CFI: variants seen among roughly 807,000 people sequenced by gnomAD.
CFI encodes complement factor I.
A neutral mutation model predicts 78.8 loss-of-function variants in CFI; 66 were observed. That is an observed-to-expected ratio of 0.84 (90% confidence interval 0.69 to 1.03). The LOEUF (loss-of-function observed/expected upper bound fraction) is 1.03. Ranked by LOEUF, CFI falls within the 50% of genes least tolerant of loss-of-function variation. The pLI, the probability that CFI is intolerant of heterozygous loss-of-function variation, is 0.00. For missense variants in CFI, 706 were observed against 704.5 expected (o/e 1.00, Z -0.02); for synonymous variants, 250 against 232.6 (o/e 1.07, Z -0.68).
chr4:109,746,108 T>A, intron 11 of CFI, 114 bp downstream of exon 11: 1 of 1,267,304 alleles, frequency 7.9e-7, no homozygotes, highest in East Asian at 2.5e-5. Context: ...TGTTTACTTT[T>A]CTGGATATGA....
At chr4:109,772,056 G>A (rs190443680) in intron 1 of CFI, among the ~76,000 whole-genome samples, 9 of 152,302 alleles carry the variant, frequency 5.9e-5, no homozygotes, top group Non-Finnish European at 1.2e-4. Context: ...GCAACTTTAT[G>A]ATAACATTAC....
intron 7 of CFI, 50 bp from the exon 8 acceptor site, chr4:109,752,553 A>G (rs755720479): frequency 1.4e-6 from 2 of 1,456,612 alleles, no homozygotes; most frequent in Admixed American, 3.4e-5. Flanking sequence ...ATTATAGTCA[A>G]AATGAAATCA....
intron 1 of CFI, among the ~76,000 whole-genome samples, chr4:109,789,461 GAAGAT>G (rs1731118763): frequency 6.6e-6 from 1 of 151,906 alleles, no homozygotes; most frequent in African/African-American, 2.4e-5. Context: ...ACAGAGAAAC[GAAGAT>G]AAGTATGACA....
chr4:109,738,112 CTTTTTTT>C (rs141891533), downstream of CFI, among the ~76,000 whole-genome samples: 3 of 130,262 alleles, frequency 2.3e-5, no homozygotes, highest in Non-Finnish European at 3.2e-5. Flanking sequence ...GAGTACTTTT[CTTTTTTT>C]TTTTTTTTTT....
Position 109,761,633 on chromosome 4 carries a change from C to A in CFI, c.542G>T (p.Cys181Phe). The change falls in exon 4 of 13, where the codon TGT (cysteine) becomes TTT (phenylalanine). Residue 181 changes from cysteine to phenylalanine, a missense_variant. Transcript: ENST00000394634. ...TAATCCTCGGCAATGCACATGTAGA[C>A]ATTCAGTGGAATTTATAGAGAGATC... Reference protein sequence around the residue: ...LSDLSINSTECLHVHCRGLET... With the variant: ...LSDLSINSTEFLHVHCRGLET... 4 of 1,613,782 alleles carry A rather than the reference C, an allele frequency of 2.5e-6. No individual in the cohort carries two copies. The highest frequency in any genetic ancestry group is 3.4e-6 in the Non-Finnish European group (4 of 1,179,700).
chr4:109,769,198 C>G (rs1728250596), intron 1 of CFI, among the ~76,000 whole-genome samples: 1 of 152,164 alleles, frequency 6.6e-6, no homozygotes, highest in Non-Finnish European at 1.5e-5. Flanking sequence ...TTTCTGAAAT[C>G]TCATTCCTCC....
intron 1 of CFI, among the ~76,000 whole-genome samples, chr4:109,779,361 C>T (rs1208043830): frequency 6.6e-6 from 1 of 152,132 alleles, no homozygotes; most frequent in East Asian, 1.9e-4. Flanking sequence ...AGAGCCAAAT[C>T]ATGAGTGAAC....
At chr4:109,786,597 T>C (rs545741109) in intron 1 of CFI, among the ~76,000 whole-genome samples, 16 of 152,224 alleles carry the variant, frequency 1.1e-4, no homozygotes, top group Admixed American at 9.8e-4. Context: ...TGATCAGTTA[T>C]GATTAAAGCA....
intron 1 of CFI, among the ~76,000 whole-genome samples, chr4:109,787,361 A>C (rs4626205): frequency 0.23 from 35,206 of 151,958 alleles, 4,846 homozygotes; most frequent in Admixed American, 0.36. Context: ...AGTTATTCCC[A>C]TCATGGTCTT....
chr4:109,758,112 A>C (rs1001121767), intron 6 of CFI, among the ~76,000 whole-genome samples: 5 of 152,174 alleles, frequency 3.3e-5, no homozygotes, highest in African/African-American at 1.2e-4. Context: ...ATAAGAGTAA[A>C]CTGAAGTAAC....
intron 6 of CFI, among the ~76,000 whole-genome samples, chr4:109,759,572 A>G (rs1726767530): frequency 6.6e-6 from 1 of 152,194 alleles, no homozygotes; most frequent in Non-Finnish European, 1.5e-5. Flanking sequence ...GGAGATGCAT[A>G]TAAATGATGT....
At chr4:109,734,220 A>G in the CFI span, among the ~76,000 whole-genome samples, 1 of 152,146 alleles carries the variant, frequency 6.6e-6, no homozygotes, top group African/African-American at 2.4e-5. Context: ...TCCTCTAAAA[A>G]GTGAGTGTAC....
chr4:109,756,295 A>G (rs1260868964), intron 7 of CFI, among the ~76,000 whole-genome samples: 1 of 92,386 alleles, frequency 1.1e-5, no homozygotes, highest in Non-Finnish European at 2.1e-5. Context: ...ATCTGAAACT[A>G]GGGAGGGAGG....
intron 1 of CFI, among the ~76,000 whole-genome samples, chr4:109,776,661 A>C (rs1294835171): frequency 6.6e-6 from 1 of 152,230 alleles, no homozygotes; most frequent in Non-Finnish European, 1.5e-5. Context: ...ACAGCAAGAC[A>C]TATAATTGTC....
At chr4:109,761,785 C>G in intron 3 of CFI, 93 bp from the exon 4 acceptor site, 1 of 1,020,808 alleles carries the variant, frequency 9.8e-7, no homozygotes, top group Non-Finnish European at 1.5e-6. Flanking sequence ...GAGTAATGTC[C>G]TCTCATTCTC....
chr4:109,779,078 A>G (rs1314426842), intron 1 of CFI, among the ~76,000 whole-genome samples: 13 of 152,346 alleles, frequency 8.5e-5, no homozygotes, highest in Non-Finnish European at 1.6e-4. Context: ...GGCACAAGAC[A>G]GGGATGCCCT....
At chr4:109,746,009 C>T (rs971966098) in intron 11 of CFI, among the ~76,000 whole-genome samples, 6 of 152,174 alleles carry the variant, frequency 3.9e-5, no homozygotes, top group Non-Finnish European at 8.8e-5. Flanking sequence ...GGTGACAACA[C>T]AGCAATAAAT....
Position 109,749,331 on chromosome 4 carries a change from A to G in CFI, c.1045-10T>C, listed in dbSNP as rs370596683. The G allele has an allele frequency of 1.4e-5, 22 of 1,610,826 alleles. No individual in the cohort carries two copies. Among genetic ancestry groups the G allele is most frequent in the Non-Finnish European group, 1.8e-5 (21 of 1,177,100 alleles). ...GCCATGGGAGGTCTCCCTGTAAAAG[A>G]CATTTGTGTGGTCACTGCCATTCTA... On this transcript the variant is annotated splice_polypyrimidine_tract_variant and intron_variant, in intron 9 of 12. Transcript: ENST00000394634.
chr4:109,782,000 G>A (rs534697258), intron 1 of CFI, among the ~76,000 whole-genome samples: 1 of 151,988 alleles, frequency 6.6e-6, no homozygotes, highest in South Asian at 2.1e-4. Context: ...GGCATACAAG[G>A]GGCATACCTT....
Sources: gnomAD v4.1 joint callset for allele counts (sites outside exome capture counted in the v4.1 genomes callset) on GRCh38, gnomAD v4.1.1 for gene constraint, MANE v1.5 for transcripts, NCBI Gene and HGNC (gene_info 2026-07-23, HGNC 2026-07-21) for gene names.